The following NDRG2 variants were observed in gnomAD, a reference collection of about 807,000 sequenced individuals.
The protein encoded by NDRG2 is protein NDRG2.
Under a neutral mutation model 58.2 loss-of-function variants are expected in NDRG2, and 34 were observed. That is an observed-to-expected ratio of 0.58 (90% CI 0.44 to 0.78). The LOEUF (loss-of-function observed/expected upper bound fraction) is 0.78, where lower values mean the gene tolerates loss of function less well. NDRG2 is among the 30% of genes least tolerant of loss of function. NDRG2 has a pLI of 0.00. For synonymous variants in NDRG2, 187 were observed against 175.9 expected, an observed-to-expected ratio of 1.06 and a Z score of -0.50; for missense variants, 434 against 471.2, an observed-to-expected ratio of 0.92 and a Z score of 0.73.
At chr14:21,046,107 T>A (rs1885130771) in intron 1 of NDRG2, among the ~76,000 whole-genome samples, 2 of 152,242 alleles carry the variant, frequency 1.3e-5, no homozygotes, top group South Asian at 4.1e-4. Flanking sequence ...AATACACCAA[T>A]CAATTCTAAA....
chr14:21,041,236 C>A lies in NDRG2; in HGVS notation c.25-17915G>T, dbSNP rs1199390318. Among the ~76,000 whole-genome samples, 4 of 152,168 alleles carry A rather than the reference C, an allele frequency of 2.6e-5. No individual in the cohort carries two copies. The South Asian group carries it at 8.3e-4, about 31-fold the overall frequency. ...TCTTGAATTCGTGGCCTTAGGCAAT[C>A]CTCCTGCCATGGCCTCCCAAAGTGC... is the stretch of plus-strand genomic sequence containing the variant. On this transcript the variant is annotated intron_variant, in intron 1 of 14. Transcript: ENST00000403829.
intron 1 of NDRG2, among the ~76,000 whole-genome samples, chr14:21,050,696 T>G (rs1293307036): frequency 6.6e-6 from 1 of 152,236 alleles, no homozygotes; most frequent in African/African-American, 2.4e-5. Context: ...TATGCTATCT[T>G]TAAATTTCAT....
At chr14:21,044,443 T>A (rs531782531) in intron 1 of NDRG2, among the ~76,000 whole-genome samples, 1 of 152,338 alleles carries the variant, frequency 6.6e-6, no homozygotes, top group South Asian at 2.1e-4. Flanking sequence ...CTTAAGGGAC[T>A]TCCGTGGCCC....
At chr14:21,025,491 G>A (rs1883420807), upstream of NDRG2, 1 of 985,318 alleles carries the variant, frequency 1.0e-6, no homozygotes, top group South Asian at 4.7e-5. The surrounding 1 kb of genome is among the most constrained non-coding windows in gnomAD (Gnocchi z 5.1). Flanking sequence ...GACACCCCAC[G>A]AGTTCGACTC....
rs754027318 is a variant in NDRG2, at chr14:21,023,499, C to A, written c.-6-178G>T. 2.7e-5 allele frequency: 16 copies of A among 601,246 alleles called. No individual in the cohort carries two copies. The Admixed American group carries it at 4.1e-4, about 15-fold the overall frequency. The allele number at this position is 601,246 out of a possible 1,614,324, so 37.2% of individuals were successfully genotyped here. ...CCCCCAGCTCCGTTTCCAGGCTGAT[C>A]GGTGGAAGCTTTGGAAGAGGAATCA... On this transcript the variant is annotated intron_variant, in intron 1 of 15. Transcript: ENST00000556147.
chr14:21,025,681 C>T (rs780563763), upstream of NDRG2: 10 of 985,350 alleles, frequency 1.0e-5, no homozygotes, highest in Non-Finnish European at 1.2e-5. This position sits in a 1 kb window ranked among gnomAD's most constrained non-coding sequence, Gnocchi z 5.1. Context: ...TGGTACCTCT[C>T]CTCTCTTTGC....
Position 21,024,904 on chromosome 14 carries a change from G to A in NDRG2, c.-881C>T. 1.0e-6 allele frequency: 1 copy of A among 985,578 alleles called. No homozygotes were observed. Among genetic ancestry groups the A allele is most frequent in the Non-Finnish European group, 1.2e-6 (1 of 830,050 alleles). The allele number at this position is 985,578 out of a possible 1,614,324, so 61.1% of individuals were successfully genotyped here. A position where few individuals can be genotyped will look rare whatever the true frequency, so the allele number is the denominator to read the frequency against. On this transcript the variant is annotated 5_prime_UTR_variant, in exon 1 of 16. Transcript: ENST00000556147. ...CAGCCTTTGTGCGCAGCAACCGAGC[G>A]CCCGCTCCGTGCTGGCCCTTTCCCC... is the stretch of plus-strand genomic sequence containing the variant.
intron 6 of NDRG2, chr14:21,021,591 A>T: frequency 1.8e-6 from 1 of 567,290 alleles, no homozygotes; most frequent in East Asian, 3.0e-5. Context: ...GGCCAAGCAT[A>T]GACCCTTTTC....
At chr14:21,031,174 C>T (rs769283650) in intron 1 of NDRG2, 4 of 1,612,592 alleles carry the variant, frequency 2.5e-6, no homozygotes, top group Non-Finnish European at 3.4e-6. Context: ...CTGTGAGTGA[C>T]AGCCTTCATC....
At chr14:21,020,440 G>T in intron 8 of NDRG2, 56 bp downstream of exon 8, 1 of 1,402,126 alleles carries the variant, frequency 7.1e-7, no homozygotes, top group Non-Finnish European at 1.0e-6. Flanking sequence ...GAGCCTAACT[G>T]GATCCATACG....
At chr14:21,037,217 A>G (rs113477439) in intron 1 of NDRG2, among the ~76,000 whole-genome samples, 31 of 152,386 alleles carry the variant, frequency 2.0e-4, no homozygotes, top group African/African-American at 6.7e-4. Flanking sequence ...TTTAATGATG[A>G]TGAGCCTTCG....
At chr14:21,032,108 CT>C (rs765458821) in intron 1 of NDRG2, 30 of 1,602,618 alleles carry the variant, frequency 1.9e-5, no homozygotes, top group Non-Finnish European at 2.3e-5. Flanking sequence ...TGCTAGCCCC[CT>C]GACCCTGCAT....
At chr14:21,069,774 A>G (rs1369888526) in intron 1 of NDRG2, among the ~76,000 whole-genome samples, 1 of 152,182 alleles carries the variant, frequency 6.6e-6, no homozygotes, top group East Asian at 1.9e-4. Flanking sequence ...TCTGCTAGGC[A>G]GGCAGGGGCC....
At chr14:21,054,076 C>T (rs1054992399) in intron 1 of NDRG2, among the ~76,000 whole-genome samples, 1 of 152,134 alleles carries the variant, frequency 6.6e-6, no homozygotes, top group Non-Finnish European at 1.5e-5. Flanking sequence ...CATATAAAAA[C>T]AAGATCAGTA....
At chr14:21,019,845 C>T (rs569091463) in intron 9 of NDRG2, 75 bp downstream of exon 9, 2 of 1,555,152 alleles carry the variant, frequency 1.3e-6, no homozygotes, top group Non-Finnish European at 8.9e-7. Context: ...CCTGTCCCAG[C>T]TAAGGAAGTT....
chr14:21,034,793 G>T (rs1884508952), intron 1 of NDRG2: 1 of 155,630 alleles, frequency 6.4e-6, no homozygotes, highest in Non-Finnish European at 1.4e-5. Context: ...AATCAGTCTG[G>T]GAGGAGGGAA....
upstream of NDRG2, among the ~76,000 whole-genome samples, chr14:21,026,686 C>A (rs911949631): frequency 3.9e-5 from 6 of 152,198 alleles, no homozygotes; most frequent in East Asian, 1.9e-4. Context: ...ATCTAAGGAG[C>A]TCCCCCTACA....
intron 1 of NDRG2, chr14:21,046,964 T>TGA (rs1885198369): frequency 6.6e-6 from 1 of 152,488 alleles, no homozygotes. Flanking sequence ...GGGTTGGTCT[T>TGA]GCTGTCTCAG....
chr14:21,026,066 G>A (rs1594464299), upstream of NDRG2, among the ~76,000 whole-genome samples: 1 of 151,950 alleles, frequency 6.6e-6, no homozygotes, highest in Non-Finnish European at 1.5e-5. Context: ...GAATCGCAAT[G>A]CCCGGGGGAT....
Sources: gnomAD v4.1 joint callset for allele counts (sites outside exome capture counted in the v4.1 genomes callset) on GRCh38, gnomAD v4.1.1 for gene constraint, Gnocchi (gnomAD v3.1) non-coding constraint, MANE v1.5 for transcripts, NCBI Gene and HGNC (gene_info 2026-07-23, HGNC 2026-07-21) for gene names.